The following ZNF644 variants were observed in gnomAD, a reference collection of about 807,000 sequenced individuals.
ZNF644 encodes zinc finger protein 644.
Under a neutral mutation model 108.0 loss-of-function variants are expected in ZNF644, and 20 were observed. The observed-to-expected ratio is 0.19, with a 90% CI of 0.13 to 0.27. The LOEUF is 0.27. ZNF644 is among the 10% of genes least tolerant of loss of function. The probability of loss-of-function intolerance (pLI) is 1.00; values close to 1 mark genes in which losing one functional copy is unlikely to be tolerated. For synonymous variants in ZNF644, 542 were observed against 539.1 expected (o/e 1.01, Z -0.08); for missense variants, 1,338 against 1,548.9 (o/e 0.86, Z 2.29).
At chr1:90,958,016 T>C (rs919306154) in intron 2 of ZNF644, among the ~76,000 whole-genome samples, 1 of 151,908 alleles carries the variant, frequency 6.6e-6, no homozygotes, top group Non-Finnish European at 1.5e-5. Flanking sequence ...AATAAATCCA[T>C]TTGCAATAGC....
At chr1:91,013,373 G>A (rs1250991900) in intron 1 of ZNF644, among the ~76,000 whole-genome samples, 1 of 151,862 alleles carries the variant, frequency 6.6e-6, no homozygotes, top group Non-Finnish European at 1.5e-5. Flanking sequence ...AATGCACCCA[G>A]TTAATTCAGT....
intron 4 of ZNF644, among the ~76,000 whole-genome samples, chr1:90,932,405 T>C (rs553448334): frequency 3.9e-5 from 6 of 152,356 alleles, no homozygotes; most frequent in African/African-American, 1.2e-4. Flanking sequence ...GGAGGCTTTA[T>C]TCCTATCTAC....
chr1:90,971,821 C>T (rs939590743), intron 2 of ZNF644, among the ~76,000 whole-genome samples: 1 of 152,160 alleles, frequency 6.6e-6, no homozygotes, highest in Non-Finnish European at 1.5e-5. Flanking sequence ...AGTCTGACTG[C>T]TCTCCCAAGT....
At chr1:90,965,223 G>A (rs1654737260) in intron 2 of ZNF644, among the ~76,000 whole-genome samples, 1 of 152,176 alleles carries the variant, frequency 6.6e-6, no homozygotes, top group South Asian at 2.1e-4. Flanking sequence ...TCTGGGAACT[G>A]GAAGTCCAAG....
chr1:90,926,595 CAG>C (rs1222431781), intron 4 of ZNF644, among the ~76,000 whole-genome samples: 1 of 152,160 alleles, frequency 6.6e-6, no homozygotes, highest in Non-Finnish European at 1.5e-5. Flanking sequence ...TAGTAAATGA[CAG>C]AGAAGTAATG....
intron 2 of ZNF644, among the ~76,000 whole-genome samples, chr1:90,945,401 C>A (rs1444019434): frequency 6.6e-6 from 1 of 152,024 alleles, no homozygotes. Flanking sequence ...ATAATGAGTT[C>A]TACAGCTATA....
At position 90,938,463 on chromosome 1, in the gene ZNF644, G is replaced by A. The variant is rs139340984; in HGVS notation, c.2891C>T (p.Ser964Leu). ...HWTDLSLEKK[S>L]CPYCPATFET... ...AAATGTTGCTGGGCAGTAAGGACAC[G>A]ATTTCTTCTCAAGAGACAAATCAGT... is the stretch of plus-strand genomic sequence containing the variant. Residue 964 changes from serine (S) to leucine (L), a missense_variant, in exon 3 of 6, where the codon TCG becomes TTG. Around this residue, in one of 6 missense-constraint regions of ZNF644, gnomAD observed 11 missense variants for 45.8 expected, o/e 0.24. Transcript: ENST00000337393. The surrounding 1 kb of genome is among the most constrained non-coding windows in gnomAD (Gnocchi z 4.2). 31 of 1,613,944 alleles carry A rather than the reference G, an allele frequency of 1.9e-5. No individual in the cohort carries two copies. The African/African-American group carries it at 2.7e-4, about 14-fold the overall frequency.
At chr1:90,953,214 C>T (rs190100547) in intron 2 of ZNF644, among the ~76,000 whole-genome samples, 1 of 152,150 alleles carries the variant, frequency 6.6e-6, no homozygotes. Context: ...CCTTCTTTAC[C>T]AATTACAGGA....
Position 90,916,680 on chromosome 1 carries a change from A to C in ZNF644, c.*118T>G. On this transcript the variant is annotated 3_prime_UTR_variant, in exon 6 of 6. Coordinates refer to ENST00000337393, the MANE Select transcript of ZNF644 (RefSeq NM_201269.3). ...ATTTGCTCTGATGTCACTGTAATTC[A>C]CTTTCCCCCCATTTTCCTGCTTTAG... 1 of 1,105,746 alleles carries C rather than the reference A, an allele frequency of 9.0e-7. No individual in the cohort carries two copies. The highest frequency in any genetic ancestry group is 2.5e-5 in the East Asian group (1 of 39,260). 68.5% of individuals were successfully genotyped at this position (1,105,746 alleles called of 1,614,324 possible).
intron 4 of ZNF644, among the ~76,000 whole-genome samples, chr1:90,932,479 C>T (rs1042731959): frequency 2.0e-5 from 3 of 152,000 alleles, no homozygotes; most frequent in Admixed American, 6.6e-5. Flanking sequence ...AATGAATTTG[C>T]ATTTTATTCA....
At chr1:90,952,947 A>G (rs1653333248) in intron 2 of ZNF644, among the ~76,000 whole-genome samples, 1 of 151,640 alleles carries the variant, frequency 6.6e-6, no homozygotes, top group Admixed American at 6.6e-5. Flanking sequence ...AGACAATGAG[A>G]AAAAAAATCT....
chr1:90,946,797 TAA>T (rs976785012), intron 2 of ZNF644, among the ~76,000 whole-genome samples: 2 of 151,612 alleles, frequency 1.3e-5, no homozygotes, highest in African/African-American at 4.8e-5. Flanking sequence ...AGATTGCCAT[TAA>T]AAAAAAGCAA....
At chr1:90,923,222 G>A (rs375836521) in intron 4 of ZNF644, among the ~76,000 whole-genome samples, 1 of 151,988 alleles carries the variant, frequency 6.6e-6, no homozygotes, top group South Asian at 2.1e-4. Flanking sequence ...ATTTTTGAAC[G>A]AGGTCTACCA....
chr1:91,004,759 T>A (rs866689069), intron 1 of ZNF644, among the ~76,000 whole-genome samples: 4 of 152,294 alleles, frequency 2.6e-5, no homozygotes, highest in Middle Eastern at 3.4e-3. Flanking sequence ...AAATTTACAG[T>A]ATTAATTTCA....
chr1:90,982,190 T>C, intron 2 of ZNF644, 120 bp downstream of exon 2: 1 of 794,560 alleles, frequency 1.3e-6, no homozygotes, highest in Non-Finnish European at 2.0e-6. Context: ...ATTATTTGCA[T>C]TTCAAAATTT....
At position 90,926,233 on chromosome 1, in the gene ZNF644, T is replaced by C. The variant is rs535836937; in HGVS notation, c.3689-8079A>G. ...ATGAACTCTGTTTCACCTTTTGACA[T>C]GTAAACCTTAATTTTACTATGATTA... On this transcript the variant is annotated intron_variant, in intron 4 of 5. Transcript: ENST00000337393. Among the ~76,000 whole-genome samples the C allele has an allele frequency of 5.9e-5, 9 of 152,308 alleles. No homozygotes were observed. The South Asian group carries it at 1.0e-3, about 18-fold the overall frequency.
chr1:90,935,355 A>G, intron 4 of ZNF644: 1 of 985,844 alleles, frequency 1.0e-6, no homozygotes, highest in South Asian at 4.7e-5. Flanking sequence ...TGGTGGGGAA[A>G]AAAAAAGTGT....
At chr1:90,978,211 G>A (rs759028592) in intron 2 of ZNF644, among the ~76,000 whole-genome samples, 7 of 152,092 alleles carry the variant, frequency 4.6e-5, no homozygotes, top group Non-Finnish European at 7.3e-5. Flanking sequence ...AATTAGCCAG[G>A]TGTGGTGGCA....
At chr1:91,002,611 AGGCATGGGTAAAGAC>A (rs1285087000) in intron 1 of ZNF644, among the ~76,000 whole-genome samples, 1 of 152,232 alleles carries the variant, frequency 6.6e-6, no homozygotes, top group Admixed American at 6.5e-5. Flanking sequence ...TTCAGGACAC[AGGCATGGGTAAAGAC>A]TTCATGTCTA....
Sources: gnomAD v4.1 joint callset for allele counts (sites outside exome capture counted in the v4.1 genomes callset) on GRCh38, gnomAD v4.1.1 for gene constraint, gnomAD v4.1.1 regional missense constraint, Gnocchi (gnomAD v3.1) non-coding constraint, MANE v1.5 for transcripts, NCBI Gene and HGNC (gene_info 2026-07-23, HGNC 2026-07-21) for gene names.